The following IFT22 variants were observed in gnomAD, a reference collection of about 807,000 sequenced individuals.
IFT22 encodes intraflagellar transport protein 22 homolog.
Under a neutral mutation model 21.0 loss-of-function variants are expected in IFT22, and 13 were observed. The ratio of observed to expected loss-of-function variants is 0.62; its 90% CI spans 0.40 to 0.98. The LOEUF (loss-of-function observed/expected upper bound fraction) is 0.98, where lower values mean the gene tolerates loss of function less well. IFT22 is among the 50% of genes least tolerant of loss of function. The pLI, the probability that IFT22 is intolerant of heterozygous loss-of-function variation, is 0.00. For synonymous variants in IFT22, 67 were observed against 82.4 expected, an observed-to-expected ratio of 0.81 and a Z score of 1.01; for missense variants, 227 against 228.9, an observed-to-expected ratio of 0.99 and a Z score of 0.06.
intron 1 of IFT22, among the ~76,000 whole-genome samples, chr7:101,319,776 C>T (rs763122879): frequency 1.3e-5 from 2 of 151,000 alleles, no homozygotes; most frequent in Non-Finnish European, 1.5e-5. Context: ...CCTGAGCCAC[C>T]TGGGACTACA....
chr7:101,320,256 T>TG (rs1188844542), intron 1 of IFT22, among the ~76,000 whole-genome samples: 1 of 135,632 alleles, frequency 7.4e-6, no homozygotes, highest in Non-Finnish European at 1.6e-5. Flanking sequence ...CGCATCCGGC[T>TG]GGGTTTTTTT....
Position 101,315,020 on chromosome 7 carries a change from C to G in IFT22, c.*114G>C. On this transcript the variant is annotated 3_prime_UTR_variant, in exon 5 of 5. Coordinates refer to ENST00000315322, the MANE Select transcript of IFT22 (RefSeq NM_022777.4). ...AGGTGCCTTCCTGCAGGTAGGAACACTTCCTCTGCAGTCAGAGGGAGAAGA... is the reference window on the plus strand; with the variant it reads ...AGGTGCCTTCCTGCAGGTAGGAACAGTTCCTCTGCAGTCAGAGGGAGAAGA... 2.5e-6 allele frequency: 3 copies of G among 1,203,900 alleles called. No individual in the cohort carries two copies. Among genetic ancestry groups the G allele is most frequent in the Non-Finnish European group, 3.5e-6 (3 of 862,326 alleles). The allele number at this position is 1,203,900 out of a possible 1,614,324, so 74.6% of individuals were successfully genotyped here.
chr7:101,318,271 G>A, intron 2 of IFT22, 58 bp from the exon 3 acceptor site: 1 of 1,410,324 alleles, frequency 7.1e-7, no homozygotes, highest in Non-Finnish European at 1.0e-6. Context: ...TGTAATCTCA[G>A]CAGTCTGGGA....
Position 101,312,179 on chromosome 7 carries a change from G to C in IFT22, c.*2955C>G, listed in dbSNP as rs139515210. Among the ~76,000 whole-genome samples the C allele has an allele frequency of 6.6e-6, 1 of 152,144 alleles. No homozygotes were observed. The highest frequency in any genetic ancestry group is 1.9e-4 in the East Asian group (1 of 5,172). On this transcript the variant is annotated 3_prime_UTR_variant, in exon 5 of 5. Transcript: ENST00000315322. ...ACCACTTTGGGAGGCTGAGACGGGC[G>C]GATCACTCAAGGACAGGAGTTCGAG... is the stretch of plus-strand genomic sequence containing the variant.
At position 101,312,321 on chromosome 7, in the gene IFT22, C is replaced by A. The variant is rs1200240154; in HGVS notation, c.*2813G>T. Among the ~76,000 whole-genome samples, 1 of 152,098 alleles carries A rather than the reference C, an allele frequency of 6.6e-6. No homozygotes were observed. Among genetic ancestry groups the A allele is most frequent in the African/African-American group, 2.4e-5 (1 of 41,430 alleles). ...GTGTGTGTATCTCTAGTCTCAACTA[C>A]TCAGAGGCTGAGCTGGCGAGATCAG... On this transcript the variant is annotated 3_prime_UTR_variant, in exon 5 of 5. Transcript: ENST00000315322.
intron 2 of IFT22, chr7:101,318,581 C>T (rs1038137417): frequency 3.7e-5 from 10 of 268,838 alleles, no homozygotes; most frequent in Non-Finnish European, 7.1e-5. Flanking sequence ...TTTGGAATGC[C>T]AACAGCAACA....
intron 2 of IFT22, 56 bp downstream of exon 2, chr7:101,318,900 G>A (rs1341535726): frequency 7.1e-7 from 1 of 1,399,402 alleles, no homozygotes; most frequent in Admixed American, 1.7e-5. Context: ...TTAGAGGAAT[G>A]AGCCTCCCTG....
In IFT22 at chr7:101,315,161, G is replaced by C; in HGVS notation, c.531C>G (p.Asp177Glu). The C allele has an allele frequency of 6.2e-7, 1 of 1,613,916 alleles. No individual in the cohort carries two copies. The highest frequency in any genetic ancestry group is 2.2e-5 in the East Asian group (1 of 44,854). The change falls in exon 5 of 5, where the codon GAC (aspartate) becomes GAG (glutamate). Residue 177 changes from aspartate to glutamate, a missense_variant. Asp to Glu is a conservative substitution (Grantham distance 45). Transcript: ENST00000315322. ...SIINSMSESR[D>E]REEMSIMT ...AGGTCATAATTGACATCTCCTCCCT[G>C]TCTCTGCTCTCAGACATGGAGTTGA...
At chr7:101,321,622 C>G in intron 1 of IFT22, 49 bp downstream of exon 1, 2 of 1,555,318 alleles carry the variant, frequency 1.3e-6, no homozygotes, top group Non-Finnish European at 1.7e-6. Context: ...CTCGCCCAGG[C>G]CCCGAGGCCT....
Position 101,315,033 on chromosome 7 carries a change from CAGAG to C in IFT22, c.*97_*100del. On this transcript the variant is annotated 3_prime_UTR_variant, in exon 5 of 5. Coordinates refer to ENST00000315322, the MANE Select transcript of IFT22 (RefSeq NM_022777.4). ...CAGGTAGGAACACTTCCTCTGCAGT[CAGAG>C]GGAGAAGAAAACATCAGGAGCTGGA... The C allele has an allele frequency of 2.2e-6, 3 of 1,335,844 alleles. No homozygotes were observed. The highest frequency in any genetic ancestry group is 3.1e-6 in the Non-Finnish European group (3 of 974,654). The allele number at this position is 1,335,844 out of a possible 1,614,324, so 82.7% of individuals were successfully genotyped here.
chr7:101,321,345 G>A, intron 1 of IFT22: 1 of 364,154 alleles, frequency 2.7e-6, no homozygotes. Context: ...CAGACCCACA[G>A]ACGCATTCAT....
At chr7:101,316,277 G>A in intron 4 of IFT22, 63 bp downstream of exon 4, 1 of 1,501,456 alleles carries the variant, frequency 6.7e-7, no homozygotes, top group Non-Finnish European at 9.3e-7. Context: ...TAGGACATGG[G>A]ACAATATGTA....
chr7:101,310,955 C>G lies in IFT22; in HGVS notation c.*4179G>C, dbSNP rs1789966263. On this transcript the variant is annotated 3_prime_UTR_variant, in exon 5 of 5. Coordinates refer to ENST00000315322, the MANE Select transcript of IFT22 (RefSeq NM_022777.4). ...ATTCAAATATTTAATGGGTTGTACT[C>G]TGGCCATTCAGGTGAACAAAATCTG... 1 of 330,504 alleles carries G rather than the reference C, an allele frequency of 3.0e-6. No homozygotes were observed. The allele number at this position is 330,504 out of a possible 1,614,324, so 20.5% of individuals were successfully genotyped here.
chr7:101,310,989 ATTTT>A lies in IFT22; in HGVS notation c.*4141_*4144del, dbSNP rs934461106. 573 of 238,498 alleles carry A rather than the reference ATTTT, an allele frequency of 2.4e-3. No individual in the cohort carries two copies. The highest frequency in any genetic ancestry group is 4.3e-3 in the South Asian group (111 of 25,936). The allele number at this position is 238,498 out of a possible 1,614,324, so 14.8% of individuals were successfully genotyped here. A position where few individuals can be genotyped will look rare whatever the true frequency, so the allele number is the denominator to read the frequency against. On this transcript the variant is annotated 3_prime_UTR_variant, in exon 5 of 5. Coordinates refer to ENST00000315322, the MANE Select transcript of IFT22 (RefSeq NM_022777.4). ...CAGGTGAACAAAATCTGCTGGGTTAATTTTTTTTTTTTTTTTTTTTTTGAGATGG... is the reference window on the plus strand; with the variant it reads ...CAGGTGAACAAAATCTGCTGGGTTAATTTTTTTTTTTTTTTTTTGAGATGG...
At chr7:101,318,051 A>G in intron 3 of IFT22, 73 bp downstream of exon 3, 3 of 1,318,706 alleles carry the variant, frequency 2.3e-6, no homozygotes, top group Non-Finnish European at 3.3e-6. Flanking sequence ...TACAGGTGTG[A>G]GCCACCGCCC....
Position 101,311,030 on chromosome 7 carries a change from G to A in IFT22, c.*4104C>T, listed in dbSNP as rs1584303006. 1.1e-5 allele frequency: 3 copies of A among 270,756 alleles called. No individual in the cohort carries two copies. Among genetic ancestry groups the A allele is most frequent in the South Asian group, 9.4e-5 (3 of 31,922 alleles). 16.8% of individuals were successfully genotyped at this position (270,756 alleles called of 1,614,324 possible). On this transcript the variant is annotated 3_prime_UTR_variant, in exon 5 of 5. Coordinates refer to ENST00000315322, the MANE Select transcript of IFT22 (RefSeq NM_022777.4). Reference sequence around the variant, plus strand: ...TTTTTTTGAGATGGAGTCTCGCTCTGTCGCCCAGGCTGGAGTGCAGTGGCG... The same window carrying A: ...TTTTTTTGAGATGGAGTCTCGCTCTATCGCCCAGGCTGGAGTGCAGTGGCG...
At position 101,314,880 on chromosome 7, in the gene IFT22, C is replaced by T; in HGVS notation, c.*254G>A. ...ACATATGTGAGGTGGTAAATCCCTC[C>T]ATTTTACAGGTCTTTGGGAAGTTCT... On this transcript the variant is annotated 3_prime_UTR_variant, in exon 5 of 5. Transcript: ENST00000315322. 2.2e-6 allele frequency: 1 copy of T among 451,908 alleles called. No homozygotes were observed. Among genetic ancestry groups the T allele is most frequent in the Non-Finnish European group, 3.9e-6 (1 of 254,076 alleles). 28.0% of individuals were successfully genotyped at this position (451,908 alleles called of 1,614,324 possible).
rs1328788693 is a variant in IFT22 at position 101,315,163 on chromosome 7, C to G, written c.529G>C (p.Asp177His). ...GTCATAATTGACATCTCCTCCCTGT[C>G]TCTGCTCTCAGACATGGAGTTGATT... Reference protein sequence around the residue: ...SIINSMSESRDREEMSIMT With the variant: ...SIINSMSESRHREEMSIMT The change falls in exon 5 of 5, where the codon GAC (aspartate) becomes CAC (histidine). Residue 177 changes from aspartate to histidine, a missense_variant. Coordinates refer to ENST00000315322, the MANE Select transcript of IFT22 (RefSeq NM_022777.4). 2.5e-6 allele frequency: 4 copies of G among 1,613,924 alleles called. No homozygotes were observed. The highest frequency in any genetic ancestry group is 3.4e-6 in the Non-Finnish European group (4 of 1,179,974).
At chr7:101,316,746 AC>A (rs1790168475) in intron 3 of IFT22, among the ~76,000 whole-genome samples, 1 of 151,902 alleles carries the variant, frequency 6.6e-6, no homozygotes, top group Admixed American at 6.6e-5. Flanking sequence ...ACACGGTGAA[AC>A]CCCGTCTCTA....
Sources: gnomAD v4.1 joint callset for allele counts (sites outside exome capture counted in the v4.1 genomes callset) on GRCh38, gnomAD v4.1.1 for gene constraint, MANE v1.5 for transcripts, NCBI Gene and HGNC (gene_info 2026-07-23, HGNC 2026-07-21) for gene names.